CHRM3: variants seen among roughly 807,000 people sequenced by gnomAD.
CHRM3 encodes muscarinic acetylcholine receptor M3.
In CHRM3, 11 loss-of-function variants were observed where a neutral mutation model predicts 41.8. The observed-to-expected ratio is 0.26, with a 90% CI of 0.17 to 0.44. The LOEUF is 0.44. CHRM3 is among the 20% of genes least tolerant of loss of function. The pLI, the probability that CHRM3 is intolerant of heterozygous loss-of-function variation, is 1.00. For synonymous variants in CHRM3, 297 were observed against 301.4 expected (o/e 0.99, Z 0.15); for missense variants, 571 against 745.4 (o/e 0.77, Z 2.72).
intron 5 of CHRM3, among the ~76,000 whole-genome samples, chr1:239,805,630 A>ATG (rs5782101): frequency 0.02 from 2,910 of 148,860 alleles, 53 homozygotes; most frequent in African/African-American, 0.047. Flanking sequence ...GGTGGGGTGA[A>ATG]TGTGTGTGTG....
chr1:239,479,020 GA>G (rs1167702537), intron 1 of CHRM3, among the ~76,000 whole-genome samples: 61 of 152,102 alleles, frequency 4.0e-4, no homozygotes, highest in Non-Finnish European at 2.4e-4. Context: ...CTGTCTCTAT[GA>G]AAAAATACAA....
chr1:239,406,685 T>C (rs114693901), intron 1 of CHRM3, among the ~76,000 whole-genome samples: 188 of 152,262 alleles, frequency 1.2e-3, no homozygotes, highest in Non-Finnish European at 2.4e-3. Context: ...CAGACTAAGC[T>C]ATAAAGAAGT....
At chr1:239,613,110 A>T (rs1667248566) in intron 3 of CHRM3, among the ~76,000 whole-genome samples, 1 of 152,186 alleles carries the variant, frequency 6.6e-6, no homozygotes, top group African/African-American at 2.4e-5. Context: ...GTGATTTGGG[A>T]TGCCCCTCAT....
intron 2 of CHRM3, among the ~76,000 whole-genome samples, chr1:239,517,962 C>T (rs576262378): frequency 1.3e-3 from 198 of 152,074 alleles, no homozygotes; most frequent in Non-Finnish European, 1.7e-3. Context: ...AAAAATTAGC[C>T]GGACGTGGTG....
chr1:239,572,089 T>TG (rs1391991270), intron 3 of CHRM3, among the ~76,000 whole-genome samples: 1 of 152,172 alleles, frequency 6.6e-6, no homozygotes, highest in Non-Finnish European at 1.5e-5. Context: ...CATTTTAGCT[T>TG]GGGTTTAATC....
intron 6 of CHRM3, among the ~76,000 whole-genome samples, chr1:239,869,745 G>A (rs564453879): frequency 6.6e-6 from 1 of 152,178 alleles, no homozygotes; most frequent in South Asian, 2.1e-4. Context: ...GTCTTTATTT[G>A]CCCAAAATGT....
At chr1:239,746,414 C>T (rs531021085) in intron 5 of CHRM3, among the ~76,000 whole-genome samples, 3 of 152,170 alleles carry the variant, frequency 2.0e-5, no homozygotes, top group Admixed American at 6.5e-5. Context: ...AATAATGTGA[C>T]TAAGAACAAT....
At chr1:239,641,676 G>T (rs867545403) in intron 4 of CHRM3, among the ~76,000 whole-genome samples, 212 of 145,890 alleles carry the variant, frequency 1.5e-3, no homozygotes, top group South Asian at 4.1e-3. Flanking sequence ...CGTGAGATGG[G>T]TTTCCTGAAT....
intron 5 of CHRM3, among the ~76,000 whole-genome samples, chr1:239,734,500 C>T (rs968999752): frequency 1.3e-5 from 2 of 152,086 alleles, no homozygotes; most frequent in African/African-American, 4.8e-5. Flanking sequence ...ACCCAACATT[C>T]TGAAAACTGT....
At chr1:239,527,697 GTT>G (rs977008857) in intron 2 of CHRM3, among the ~76,000 whole-genome samples, 3 of 152,182 alleles carry the variant, frequency 2.0e-5, no homozygotes, top group African/African-American at 7.2e-5. Context: ...TGATCACAGT[GTT>G]CATCACTTAC....
At chr1:239,745,914 T>C (rs1266349173) in intron 5 of CHRM3, among the ~76,000 whole-genome samples, 1 of 152,178 alleles carries the variant, frequency 6.6e-6, no homozygotes, top group Non-Finnish European at 1.5e-5. Context: ...AAAATTATAG[T>C]CCACTTCTAA....
At position 239,681,833 on chromosome 1, in the gene CHRM3, A is replaced by C. The variant is rs564319102; in HGVS notation, c.-147+3545A>C. 2.6e-5 allele frequency among the ~76,000 whole-genome samples: 4 copies of C among 152,298 alleles called. No individual in the cohort carries two copies. In the East Asian group the frequency reaches 7.7e-4, roughly 29 times the overall value. On this transcript the variant is annotated intron_variant, in intron 5 of 6. Transcript: ENST00000676153. ...AGGATGGCTGGAGCCCAGGAGTTTA[A>C]GATGACAGCGAGCTATGATCATGCC...
chr1:239,871,858 C>T (rs140673048), intron 6 of CHRM3, among the ~76,000 whole-genome samples: 1 of 152,106 alleles, frequency 6.6e-6, no homozygotes, highest in African/African-American at 2.4e-5. Context: ...TAGCCAAATA[C>T]GAGAGGCGCA....
intron 5 of CHRM3, among the ~76,000 whole-genome samples, chr1:239,811,786 A>G (rs528580317): frequency 6.6e-6 from 1 of 152,282 alleles, no homozygotes; most frequent in South Asian, 2.1e-4. Context: ...GGAAATTTCT[A>G]GGAGGAGAAG....
intron 6 of CHRM3, among the ~76,000 whole-genome samples, chr1:239,883,171 A>G (rs982229421): frequency 5.3e-5 from 8 of 152,208 alleles, no homozygotes; most frequent in Non-Finnish European, 1.0e-4. Context: ...TTGACTCATC[A>G]TCGTAAACGG....
chr1:239,475,457 G>A (rs1164569661), intron 1 of CHRM3, among the ~76,000 whole-genome samples: 1 of 152,032 alleles, frequency 6.6e-6, no homozygotes, highest in East Asian at 1.9e-4. Flanking sequence ...AGTGAGAGAG[G>A]AGTCTAAGAA....
chr1:239,660,245 AGTACT>A (rs1030030063), intron 4 of CHRM3, among the ~76,000 whole-genome samples: 78 of 152,278 alleles, frequency 5.1e-4, no homozygotes, highest in African/African-American at 1.9e-3. Context: ...GGCCTCCCAA[AGTACT>A]GGGATTACAG....
chr1:239,737,030 C>G (rs1249682700), intron 5 of CHRM3, among the ~76,000 whole-genome samples: 1 of 152,168 alleles, frequency 6.6e-6, no homozygotes, highest in East Asian at 1.9e-4. Flanking sequence ...ATTTAAGGGA[C>G]TTTTCTATCC....
chr1:239,581,825 C>CT (rs971043939), intron 3 of CHRM3, among the ~76,000 whole-genome samples: 53 of 152,202 alleles, frequency 3.5e-4, no homozygotes, highest in African/African-American at 1.2e-3. Context: ...AGTCTAAAGC[C>CT]TGTGTGTCTT....
Sources: allele counts gnomAD v4.1 joint callset (sites outside exome capture counted in the v4.1 genomes callset), GRCh38; gene constraint gnomAD v4.1.1; transcripts MANE v1.5; gene names NCBI Gene and HGNC (gene_info 2026-07-23, HGNC 2026-07-21).